The following PHF20 variants were observed in gnomAD, a reference collection of about 807,000 sequenced individuals.
PHF20 encodes the protein PHD finger protein 20.
PHF20 carries 23 observed loss-of-function variants against 113.5 expected under a neutral mutation model. That is an observed-to-expected ratio of 0.20 (90% confidence interval 0.15 to 0.29). The LOEUF (loss-of-function observed/expected upper bound fraction) is 0.29. Ranked by LOEUF, PHF20 falls within the 10% of genes least tolerant of loss-of-function variation. The pLI, the probability that PHF20 is intolerant of heterozygous loss-of-function variation, is 1.00. For synonymous variants in PHF20, 434 were observed against 457.3 expected, an observed-to-expected ratio of 0.95 and a Z score of 0.65; for missense variants, 943 against 1,219.6, an observed-to-expected ratio of 0.77 and a Z score of 3.38.
chr20:35,787,761 G>A (rs948575767), intron 1 of PHF20, among the ~76,000 whole-genome samples: 3 of 140,688 alleles, frequency 2.1e-5, no homozygotes, highest in Non-Finnish European at 4.6e-5. Context: ...ATGAGCCACC[G>A]CGCCCAGCCT....
intron 6 of PHF20, among the ~76,000 whole-genome samples, chr20:35,866,374 T>C (rs955935802): frequency 6.6e-6 from 1 of 152,136 alleles, no homozygotes; most frequent in Admixed American, 6.6e-5. Context: ...GGATTGACCT[T>C]AGTGCATTGA....
intron 14 of PHF20, among the ~76,000 whole-genome samples, chr20:35,929,104 G>A (rs1233405725): frequency 2.6e-5 from 4 of 152,120 alleles, no homozygotes; most frequent in Admixed American, 6.5e-5. Flanking sequence ...CTCTGCTTCC[G>A]TTACTCCTTT....
At chr20:35,772,535 T>A (rs1374715450) in intron 1 of PHF20, among the ~76,000 whole-genome samples, 1 of 152,186 alleles carries the variant, frequency 6.6e-6, no homozygotes, top group African/African-American at 2.4e-5. Context: ...GGGGAGCACA[T>A]TCCTTTCTCA....
At position 35,801,613 on chromosome 20, in the gene PHF20, T is replaced by C. The variant is rs2041782954; in HGVS notation, c.83+8T>C. The C allele has an allele frequency of 1.3e-6, 2 of 1,594,868 alleles. No homozygotes were observed. Among genetic ancestry groups the C allele is most frequent in the Non-Finnish European group, 1.7e-6 (2 of 1,163,082 alleles). The stretch of plus-strand genomic sequence containing the variant: ...GGACCGTTTAAAAAACTGGTACTTT[T>C]ACATTTTTCTGTTAATTAAAGCCCT... On this transcript the variant is annotated splice_region_variant and intron_variant, in intron 2 of 17. Transcript: ENST00000374012.
At chr20:35,898,560 G>A (rs189290362) in intron 9 of PHF20, among the ~76,000 whole-genome samples, 1 of 151,806 alleles carries the variant, frequency 6.6e-6, no homozygotes. Flanking sequence ...TCAGCCTCCC[G>A]AATAGCTAGA....
At chr20:35,816,523 C>T (rs966235687) in intron 2 of PHF20, among the ~76,000 whole-genome samples, 1 of 150,212 alleles carries the variant, frequency 6.7e-6, no homozygotes. Flanking sequence ...AATCTCCGGT[C>T]ACTGCAACCT....
intron 9 of PHF20, among the ~76,000 whole-genome samples, chr20:35,894,093 C>G (rs953047794): frequency 2.6e-5 from 4 of 152,146 alleles, no homozygotes; most frequent in African/African-American, 9.7e-5. Flanking sequence ...AATAGTCATA[C>G]TAGGAACCTT....
At chr20:35,926,311 C>T (rs1329635365) in intron 13 of PHF20, among the ~76,000 whole-genome samples, 3 of 134,296 alleles carry the variant, frequency 2.2e-5, no homozygotes, top group African/African-American at 5.6e-5. Context: ...AATCTCGGCT[C>T]ACTGCAAGCT....
chr20:35,889,013 T>C (rs992589594), intron 9 of PHF20, among the ~76,000 whole-genome samples: 1 of 73,226 alleles, frequency 1.4e-5, no homozygotes, highest in Non-Finnish European at 2.5e-5. Flanking sequence ...TAGTTTCTTT[T>C]TTTTTTTTTT....
rs778308226 is a variant in PHF20 at position 35,947,635 on chromosome 20, C to A, written c.*8C>A. On this transcript the variant is annotated 3_prime_UTR_variant, in exon 18 of 18. Transcript: ENST00000374012. ...CTCTGCTGCTCAACATGAAACTGGG[C>A]ACCCAAAACTCATGGGGGCACAATC... 1 of 1,611,920 alleles carries A rather than the reference C, an allele frequency of 6.2e-7. No homozygotes were observed. Among genetic ancestry groups the A allele is most frequent in the Non-Finnish European group, 8.5e-7 (1 of 1,178,590 alleles).
intron 4 of PHF20, among the ~76,000 whole-genome samples, chr20:35,850,296 GTTTTTT>G (rs554100863): frequency 1.6e-5 from 1 of 62,322 alleles, no homozygotes; most frequent in African/African-American, 5.7e-5. Context: ...TTCCCCCTCC[GTTTTTT>G]TTTTTTTTTT....
chr20:35,795,890 G>A (rs1265969224), intron 1 of PHF20, among the ~76,000 whole-genome samples: 3 of 151,688 alleles, frequency 2.0e-5, no homozygotes, highest in Non-Finnish European at 2.9e-5. Context: ...TCACTCTGTC[G>A]CCCAGGCTGG....
At chr20:35,914,278 G>T (rs1568757022) in intron 12 of PHF20, 81 bp downstream of exon 12, 2 of 1,395,874 alleles carry the variant, frequency 1.4e-6, no homozygotes, top group African/African-American at 2.9e-5. Context: ...TTATGGGTTT[G>T]GTTCTAGGCC....
intron 2 of PHF20, chr20:35,802,109 A>T (rs2041791071): frequency 6.5e-6 from 1 of 153,336 alleles, no homozygotes; most frequent in Non-Finnish European, 1.5e-5. Context: ...CAGCTGTGTC[A>T]TTGACTTGTG....
At chr20:35,880,323 C>T (rs1237813030) in intron 9 of PHF20, among the ~76,000 whole-genome samples, 2 of 152,092 alleles carry the variant, frequency 1.3e-5, no homozygotes, top group Non-Finnish European at 2.9e-5. Context: ...CTGAGACTGT[C>T]AGGTATGTGT....
intron 9 of PHF20, among the ~76,000 whole-genome samples, chr20:35,893,269 T>G (rs975727807): frequency 6.6e-5 from 10 of 152,226 alleles, no homozygotes; most frequent in Non-Finnish European, 1.3e-4. Context: ...AGTCTGATTA[T>G]TAGTCCAGTC....
rs1320269425 is a variant in PHF20 at position 35,950,160 on chromosome 20, G to A, written c.*2533G>A. ...AATTACCTTGACAAAAATAGTTCCG[G>A]TTTGACTAATCATTTTGTTTCTTTA... is the stretch of plus-strand genomic sequence containing the variant. On this transcript the variant is annotated 3_prime_UTR_variant, in exon 18 of 18. Coordinates refer to ENST00000374012, the MANE Select transcript of PHF20 (RefSeq NM_016436.5). 6.6e-6 allele frequency: 1 copy of A among 152,656 alleles called. No individual in the cohort carries two copies. The highest frequency in any genetic ancestry group is 1.5e-5 in the Non-Finnish European group (1 of 68,046). 9.5% of individuals were successfully genotyped at this position (152,656 alleles called of 1,614,324 possible).
chr20:35,785,217 G>A (rs1241301532), intron 1 of PHF20, among the ~76,000 whole-genome samples: 1 of 152,054 alleles, frequency 6.6e-6, no homozygotes, highest in Non-Finnish European at 1.5e-5. Flanking sequence ...TGTTTGTCAA[G>A]GATTTAGCAT....
chr20:35,867,875 T>G (rs1219128745), intron 6 of PHF20, among the ~76,000 whole-genome samples: 1 of 152,060 alleles, frequency 6.6e-6, no homozygotes, highest in African/African-American at 2.4e-5. Context: ...TCTCCTCCTT[T>G]CACCCTTCCT....
Sources: gnomAD v4.1 joint callset for allele counts (sites outside exome capture counted in the v4.1 genomes callset) on GRCh38, gnomAD v4.1.1 for gene constraint, MANE v1.5 for transcripts, NCBI Gene and HGNC (gene_info 2026-07-23, HGNC 2026-07-21) for gene names.